THSD4: variants seen among roughly 807,000 people sequenced by gnomAD.
THSD4 encodes thrombospondin type 1 domain containing 4.
THSD4 carries 69 observed loss-of-function variants against 119.0 expected under a neutral mutation model. The ratio of observed to expected loss-of-function variants is 0.58; its 90% confidence interval spans 0.48 to 0.71. The LOEUF (loss-of-function observed/expected upper bound fraction) is 0.71, where lower values mean the gene tolerates loss of function less well. Ranked by LOEUF, THSD4 falls within the 30% of genes least tolerant of loss-of-function variation. THSD4 has a pLI of 0.00. For missense variants in THSD4, 1,393 were observed against 1,391.1 expected (o/e 1.00, Z -0.02); for synonymous variants, 524 against 540.4 (o/e 0.97, Z 0.42).
intron 7 of THSD4, among the ~76,000 whole-genome samples, chr15:71,591,256 T>C (rs1358858573): frequency 6.6e-6 from 1 of 152,110 alleles, no homozygotes; most frequent in Non-Finnish European, 1.5e-5. Context: ...GACAGTAGTG[T>C]GTGGTGGAGT....
At chr15:71,358,424 A>G (rs1415236655) in intron 6 of THSD4, among the ~76,000 whole-genome samples, 1 of 152,222 alleles carries the variant, frequency 6.6e-6, no homozygotes, top group African/African-American at 2.4e-5. Context: ...CAGAAATCCC[A>G]TTAGATAGGG....
intron 6 of THSD4, among the ~76,000 whole-genome samples, chr15:71,371,493 G>A (rs912128955): frequency 3.9e-5 from 6 of 152,108 alleles, no homozygotes; most frequent in Non-Finnish European, 8.8e-5. Flanking sequence ...AAATCTCTCA[G>A]CATTTGCTTG....
chr15:71,721,274 C>T (rs1014648656), intron 8 of THSD4, among the ~76,000 whole-genome samples: 16 of 152,038 alleles, frequency 1.1e-4, no homozygotes, highest in African/African-American at 3.1e-4. Context: ...TTTGGGAGGC[C>T]GAGGCAGGCA....
At chr15:71,145,440 G>A (rs540315817) in intron 2 of THSD4, among the ~76,000 whole-genome samples, 24 of 152,124 alleles carry the variant, frequency 1.6e-4, no homozygotes, top group Non-Finnish European at 2.5e-4. Flanking sequence ...GATGGCCCTA[G>A]GTCAAGTGTC....
At chr15:71,508,629 T>C (rs2048230451) in intron 7 of THSD4, among the ~76,000 whole-genome samples, 1 of 152,088 alleles carries the variant, frequency 6.6e-6, no homozygotes, top group Non-Finnish European at 1.5e-5. Flanking sequence ...ATCTGCAAAG[T>C]AAAGGGGGTG....
intron 3 of THSD4, chr15:71,187,079 C>G (rs545373775): frequency 3.3e-5 from 5 of 152,312 alleles, no homozygotes; most frequent in African/African-American, 1.2e-4. Context: ...GAAGGCGGGT[C>G]GAATGTGCAG....
intron 6 of THSD4, among the ~76,000 whole-genome samples, chr15:71,275,786 GT>G (rs2044582404): frequency 1.3e-5 from 2 of 152,136 alleles, no homozygotes; most frequent in Non-Finnish European, 2.9e-5. Flanking sequence ...GGATCTGTTG[GT>G]TTTATAAGGG....
chr15:71,703,737 A>G (rs933669004), intron 8 of THSD4, among the ~76,000 whole-genome samples: 8 of 152,098 alleles, frequency 5.3e-5, no homozygotes, highest in African/African-American at 1.9e-4. Context: ...AGCCTCCTCA[A>G]TTTCTTCCTT....
intron 6 of THSD4, among the ~76,000 whole-genome samples, chr15:71,366,627 T>A (rs1166929672): frequency 1.3e-5 from 2 of 152,188 alleles, no homozygotes. Flanking sequence ...TCAGTCACTT[T>A]CTCATGGAAT....
chr15:71,459,330 C>G (rs1281097111), intron 7 of THSD4, among the ~76,000 whole-genome samples: 4 of 138,974 alleles, frequency 2.9e-5, no homozygotes, highest in African/African-American at 5.0e-5. Flanking sequence ...AACTATCTCT[C>G]TCTCTCTGTC....
At chr15:71,215,512 T>C (rs895823269) in intron 4 of THSD4, 113 bp downstream of exon 4, 5 of 1,118,014 alleles carry the variant, frequency 4.5e-6, no homozygotes, top group Non-Finnish European at 5.9e-6. Flanking sequence ...ACTAATGCAT[T>C]GCTCTGCCAG....
chr15:71,527,342 ACT>A (rs983899605), intron 7 of THSD4, among the ~76,000 whole-genome samples: 2 of 152,036 alleles, frequency 1.3e-5, no homozygotes, highest in African/African-American at 2.4e-5. Context: ...AAACACACAA[ACT>A]CTTCTCTGAT....
chr15:71,357,242 G>A (rs143706003), intron 6 of THSD4, among the ~76,000 whole-genome samples: 62 of 152,326 alleles, frequency 4.1e-4, no homozygotes, highest in African/African-American at 1.4e-3. Context: ...GCCACTGCAT[G>A]GACAAGGAGC....
chr15:71,232,569 A>C (rs958058539), intron 4 of THSD4, among the ~76,000 whole-genome samples: 3 of 152,016 alleles, frequency 2.0e-5, no homozygotes, highest in African/African-American at 7.3e-5. Context: ...CTGGAAGTAC[A>C]GAAGTAGGTA....
intron 8 of THSD4, among the ~76,000 whole-genome samples, chr15:71,719,036 A>G (rs188145763): frequency 8.4e-4 from 128 of 152,362 alleles, no homozygotes; most frequent in Admixed American, 1.9e-3. Context: ...AGGCTTAAAC[A>G]TACATAAACT....
chr15:71,309,915 T>G (rs763585219), intron 6 of THSD4, among the ~76,000 whole-genome samples: 1 of 152,226 alleles, frequency 6.6e-6, no homozygotes, highest in Middle Eastern at 3.2e-3. Context: ...CTCTGCTACT[T>G]TCCTCCCTAC....
chr15:71,389,632 A>G (rs2046345219), intron 6 of THSD4, among the ~76,000 whole-genome samples: 1 of 151,784 alleles, frequency 6.6e-6, no homozygotes, highest in African/African-American at 2.4e-5. Context: ...CTTTGTTTTC[A>G]GTTCTTTGAG....
intron 7 of THSD4, among the ~76,000 whole-genome samples, chr15:71,470,492 TATTA>T (rs2047560378): frequency 6.6e-6 from 1 of 152,254 alleles, no homozygotes; most frequent in Non-Finnish European, 1.5e-5. Context: ...ATTTTATGTC[TATTA>T]ATTCATTTAA....
rs140531857 is a variant in THSD4, at chr15:71,590,057, G to C, written c.1153-70473G>C. Among the ~76,000 whole-genome samples the C allele has an allele frequency of 1.4e-3, 190 of 139,462 alleles. 44 individuals are homozygous for C. Among genetic ancestry groups the C allele is most frequent in the Non-Finnish European group, 1.3e-3 (78 of 61,220 alleles). The allele number at this position is 139,462 out of a possible 152,430, so 91.5% of individuals were successfully genotyped here. ...ATCAGTAGGAATATAAATATGCATG[G>C]AAATTATGAATGCCAAATTGAAGAT... On this transcript the variant is annotated intron_variant, in intron 7 of 17. Coordinates refer to ENST00000261862, the MANE Select transcript of THSD4 (RefSeq NM_024817.3).
Sources: gnomAD v4.1 joint callset for allele counts (sites outside exome capture counted in the v4.1 genomes callset) on GRCh38, gnomAD v4.1.1 for gene constraint, MANE v1.5 for transcripts, NCBI Gene and HGNC (gene_info 2026-07-23, HGNC 2026-07-21) for gene names.